Variants in ZFAT observed in about 807,000 individuals in gnomAD.
ZFAT encodes zinc finger and AT-hook domain containing.
In ZFAT, 64 loss-of-function variants were observed where a neutral mutation model predicts 117.7. The observed-to-expected ratio is 0.54, with a 90% CI of 0.44 to 0.67. The LOEUF (loss-of-function observed/expected upper bound fraction) is 0.67, where lower values mean the gene tolerates loss of function less well. ZFAT is among the 30% of genes least tolerant of loss of function. The probability of loss-of-function intolerance (pLI) is 0.00; values close to 1 mark genes in which losing one functional copy is unlikely to be tolerated. For missense variants in ZFAT, 1,433 were observed against 1,584.5 expected (o/e 0.90, Z 1.62); for synonymous variants, 679 against 615.0 (o/e 1.10, Z -1.54).
chr8:134,701,879 T>G (rs1365896349), intron 1 of ZFAT, among the ~76,000 whole-genome samples: 1 of 152,234 alleles, frequency 6.6e-6, no homozygotes, highest in Non-Finnish European at 1.5e-5. Context: ...GAAATACATG[T>G]TGAAACTTAA....
intron 11 of ZFAT, among the ~76,000 whole-genome samples, chr8:134,541,310 TTG>T (rs1426031794): frequency 6.6e-6 from 1 of 152,056 alleles, no homozygotes; most frequent in Non-Finnish European, 1.5e-5. Flanking sequence ...GGGAGAGGAA[TTG>T]GTAGCTTTAT....
intron 7 of ZFAT, among the ~76,000 whole-genome samples, chr8:134,593,330 A>G (rs2130887771): frequency 7.0e-6 from 1 of 142,762 alleles, no homozygotes; most frequent in South Asian, 2.4e-4. Context: ...AGAAGGACAC[A>G]GATGGTGGTA....
intron 1 of ZFAT, among the ~76,000 whole-genome samples, chr8:134,691,690 T>A (rs1359792623): frequency 6.6e-6 from 1 of 152,236 alleles, no homozygotes; most frequent in Non-Finnish European, 1.5e-5. Context: ...CCCTCCTGCT[T>A]ATTTGCCTTG....
chr8:134,583,800 AG>A (rs772814238), intron 10 of ZFAT, 31 bp downstream of exon 10: 1 of 1,609,228 alleles, frequency 6.2e-7, no homozygotes, highest in African/African-American at 1.3e-5. Flanking sequence ...ACACATTTAG[AG>A]GGGAAAGTTC....
chr8:134,613,208 TA>T (rs1304953724), intron 3 of ZFAT, among the ~76,000 whole-genome samples: 4 of 151,938 alleles, frequency 2.6e-5, no homozygotes, highest in Admixed American at 2.0e-4. Flanking sequence ...TGTTCACATT[TA>T]AAAAAAAGAC....
At chr8:134,713,608 A>G (rs1814124090), upstream of ZFAT, among the ~76,000 whole-genome samples, 1 of 151,642 alleles carries the variant, frequency 6.6e-6, no homozygotes, top group African/African-American at 2.4e-5. Flanking sequence ...TTTGTCCCAC[A>G]ACAAGTCTGC....
chr8:134,790,823 C>T, the ZFAT span, among the ~76,000 whole-genome samples: 113 of 151,692 alleles, frequency 7.4e-4, 1 homozygote, highest in African/African-American at 2.6e-3. Context: ...GAGACCAGCT[C>T]GGGCAACACA....
intron 1 of ZFAT, among the ~76,000 whole-genome samples, chr8:134,693,713 CA>C (rs1404641439): frequency 3.3e-5 from 5 of 152,110 alleles, no homozygotes; most frequent in Non-Finnish European, 7.3e-5. Context: ...TGATGCTAAC[CA>C]AGTCTGGCAA....
chr8:134,578,411 CAA>C (rs778606284), intron 10 of ZFAT, among the ~76,000 whole-genome samples: 141 of 68,388 alleles, frequency 2.1e-3, no homozygotes, highest in Middle Eastern at 0.011. Flanking sequence ...AACTCTGTCT[CAA>C]AAAAAAAAAA....
chr8:134,522,137 T>C (rs1820710398), intron 12 of ZFAT, among the ~76,000 whole-genome samples: 1 of 152,208 alleles, frequency 6.6e-6, no homozygotes, highest in East Asian at 1.9e-4. Flanking sequence ...CGCTAAGTCC[T>C]CCCAAGTGGA....
In ZFAT at chr8:134,624,424, G is replaced by A. The variant is rs574037198; in HGVS notation, c.448+13037C>T. Among the ~76,000 whole-genome samples, 4 of 152,118 alleles carry A rather than the reference G, an allele frequency of 2.6e-5. No homozygotes were observed. The East Asian group carries it at 7.7e-4, about 29-fold the overall frequency. On this transcript the variant is annotated intron_variant, in intron 3 of 15. Transcript: ENST00000377838. ...TAATCCCAGCACTTTGGGAGGCCAA[G>A]GCGAGCAGATCACCTGAGGTCAGGA...
chr8:134,686,861 C>T (rs531203713), intron 1 of ZFAT, among the ~76,000 whole-genome samples: 36 of 152,328 alleles, frequency 2.4e-4, no homozygotes, highest in South Asian at 8.3e-4. Context: ...ATTCTGCATA[C>T]GTCTCTGAAT....
At chr8:134,709,371 G>A (rs527968898) in intron 1 of ZFAT, among the ~76,000 whole-genome samples, 13 of 152,342 alleles carry the variant, frequency 8.5e-5, no homozygotes, top group Admixed American at 6.5e-4. Flanking sequence ...CTCCTTTGCC[G>A]GTGAAGGGAC....
intron 11 of ZFAT, among the ~76,000 whole-genome samples, chr8:134,557,322 C>G (rs1454131608): frequency 6.6e-6 from 1 of 152,138 alleles, no homozygotes; most frequent in African/African-American, 2.4e-5. Flanking sequence ...CAGGGAAAGT[C>G]TGAGAAGCTG....
the ZFAT span, among the ~76,000 whole-genome samples, chr8:134,826,007 C>CGA: frequency 6.9e-6 from 1 of 145,198 alleles, no homozygotes; most frequent in Non-Finnish European, 1.5e-5. Context: ...GGCGACAGAG[C>CGA]GAGACTCTGT....
chr8:134,489,160 A>G (rs1469154595), intron 15 of ZFAT, among the ~76,000 whole-genome samples: 1 of 152,110 alleles, frequency 6.6e-6, no homozygotes, highest in East Asian at 1.9e-4. Context: ...CAGACCCCCA[A>G]GCTCACTCCC....
At chr8:134,779,747 T>A in the ZFAT span, among the ~76,000 whole-genome samples, 1 of 152,256 alleles carries the variant, frequency 6.6e-6, no homozygotes, top group African/African-American at 2.4e-5. Context: ...TATGATAAAC[T>A]CCCTATTATA....
upstream of ZFAT, among the ~76,000 whole-genome samples, chr8:134,716,228 TAA>T (rs1475506241): frequency 1.3e-5 from 2 of 151,960 alleles, no homozygotes; most frequent in Non-Finnish European, 2.9e-5. Flanking sequence ...TATATATCTA[TAA>T]AATGATAAAA....
At chr8:134,533,082 C>G in intron 11 of ZFAT, 110 bp from the exon 12 acceptor site, 1 of 1,449,020 alleles carries the variant, frequency 6.9e-7, no homozygotes. Context: ...GATGAGCAGG[C>G]CCCATCACCT....
Sources: gnomAD v4.1 joint callset for allele counts (sites outside exome capture counted in the v4.1 genomes callset) on GRCh38, gnomAD v4.1.1 for gene constraint, MANE v1.5 for transcripts, NCBI Gene and HGNC (gene_info 2026-07-23, HGNC 2026-07-21) for gene names.